Variants in TMEM201 observed in about 807,000 individuals in gnomAD.
TMEM201 encodes transmembrane protein 201.
A neutral mutation model predicts 63.4 loss-of-function variants in TMEM201; 26 were observed. The ratio of observed to expected loss-of-function variants is 0.41; its 90% CI spans 0.30 to 0.57. The LOEUF is 0.57. Ranked by LOEUF, TMEM201 falls within the 20% of genes least tolerant of loss-of-function variation. TMEM201 has a pLI of 0.29. For missense variants in TMEM201, 794 were observed against 917.7 expected (o/e 0.87, Z 1.74); for synonymous variants, 417 against 421.6 (o/e 0.99, Z 0.14).
chr1:9,598,424 C>A, intron 3 of TMEM201, 25 bp from the exon 4 acceptor site: 1 of 1,599,408 alleles, frequency 6.3e-7, no homozygotes, highest in Non-Finnish European at 8.6e-7. Context: ...CTGCAGATGC[C>A]GAGCCTGTTC....
chr1:9,596,689 G>C (rs1644026323), intron 2 of TMEM201, among the ~76,000 whole-genome samples, 170 bp from the exon 3 acceptor site: 2 of 152,210 alleles, frequency 1.3e-5, no homozygotes, highest in South Asian at 2.1e-4. Context: ...GTTCCATGGA[G>C]GTGTCTTGAG....
intron 1 of TMEM201, among the ~76,000 whole-genome samples, chr1:9,591,940 T>C (rs2100446571): frequency 6.6e-6 from 1 of 152,364 alleles, no homozygotes; most frequent in East Asian, 1.9e-4. Flanking sequence ...CTGTGGTATC[T>C]GTCACCAGCT....
intron 1 of TMEM201, among the ~76,000 whole-genome samples, chr1:9,595,144 C>T (rs1003222304): frequency 6.6e-6 from 1 of 152,210 alleles, no homozygotes; most frequent in Non-Finnish European, 1.5e-5. Flanking sequence ...TCTGCCCACC[C>T]CTCCCCAGTC....
chr1:9,613,023 C>G lies in TMEM201; in HGVS notation c.1941C>G (p.Ala647=). The change falls in exon 11 of 11, where the codon GCC becomes GCG. Residue 647 remains alanine (A), a synonymous_variant. Transcript: ENST00000340381. The stretch of plus-strand genomic sequence containing the variant: ...CTTCCCTGGTCCGGGGCCTCCTGGC[C>G]GTGAGCTTGGCCGCCAACGCCCTGT... ...FGPSLVRGLL[A]VSLAANALFT... 6.4e-7 allele frequency: 1 copy of G among 1,551,546 alleles called. No individual in the cohort carries two copies. Among genetic ancestry groups the G allele is most frequent in the East Asian group, 2.4e-5 (1 of 40,924 alleles).
In TMEM201 at chr1:9,602,148, G is replaced by T; in HGVS notation, c.1036G>T (p.Ala346Ser). 1 of 1,613,050 alleles carries T rather than the reference G, an allele frequency of 6.2e-7. No homozygotes were observed. Among genetic ancestry groups the T allele is most frequent in the East Asian group, 2.2e-5 (1 of 44,876 alleles). ...GCACCTGGCTGAGCAGCACCTGCAG[G>T]CCGCCTCGCCTAGCTGGCTAGACAC... ...GLHLAEQHLQAASPSWLDTLK... is the reference protein window; with the variant it reads ...GLHLAEQHLQSASPSWLDTLK... The change falls in exon 6 of 11, where the codon GCC becomes TCC. Residue 346 changes from alanine to serine, a missense_variant. Coordinates refer to ENST00000340381, the MANE Select transcript of TMEM201 (RefSeq NM_001130924.3).
chr1:9,592,006 G>A (rs1643930339), intron 1 of TMEM201, among the ~76,000 whole-genome samples: 1 of 152,196 alleles, frequency 6.6e-6, no homozygotes, highest in Admixed American at 6.5e-5. Flanking sequence ...GCCAGCCTAG[G>A]GTGGTGCTTG....
In TMEM201 at chr1:9,609,845, G is replaced by A. The variant is rs774269505; in HGVS notation, c.1399G>A (p.Gly467Ser). The A allele has an allele frequency of 1.2e-5, 18 of 1,551,246 alleles. No individual in the cohort carries two copies. The highest frequency in any genetic ancestry group is 2.4e-5 in the East Asian group (1 of 40,930). ...CCGCTTCTCTCTGTCTCCAGACTCC[G>A]GCTATCTGTTCAGCGGTAGCCGCCC... Reference protein sequence around the residue: ...TIPSLTRADSGYLFSGSRPPS... With the variant: ...TIPSLTRADSSYLFSGSRPPS... Residue 467 changes from glycine (G) to serine (S), a missense_variant, in exon 8 of 11, where the codon GGC becomes AGC. Physicochemically the swap from Gly to Ser is moderately conservative, Grantham distance 56 (BLOSUM62 0). Coordinates refer to ENST00000340381, the MANE Select transcript of TMEM201 (RefSeq NM_001130924.3).
At chr1:9,591,040 C>T (rs545372975) in intron 1 of TMEM201, among the ~76,000 whole-genome samples, 5 of 152,262 alleles carry the variant, frequency 3.3e-5, no homozygotes, top group African/African-American at 1.2e-4. Flanking sequence ...GGCAGGTCAG[C>T]CCCACCTTGT....
rs1644139103 is a variant in TMEM201, at chr1:9,601,398, C to T, written c.900C>T (p.Val300=). The change falls in exon 5 of 11, where the codon GTC becomes GTT. Residue 300 remains valine, a synonymous_variant. Transcript: ENST00000340381. ...WAFGQSHQTG[V]VALGLLTCLL... ...TTGGGCAGAGCCACCAGACGGGCGTCGTGGCACTGGGCCTACTCACCTGCC... is the reference window on the plus strand; with the variant it reads ...TTGGGCAGAGCCACCAGACGGGCGTTGTGGCACTGGGCCTACTCACCTGCC... 9 of 1,601,912 alleles carry T rather than the reference C, an allele frequency of 5.6e-6. No individual in the cohort carries two copies. The highest frequency in any genetic ancestry group is 2.2e-5 in the East Asian group (1 of 44,860).
intron 6 of TMEM201, 23 bp downstream of exon 6, chr1:9,602,295 CG>C (rs771850744): frequency 3.1e-6 from 5 of 1,608,642 alleles, no homozygotes; most frequent in Non-Finnish European, 3.4e-6. Flanking sequence ...GCCATGACTG[CG>C]GGGGGAGGAC....
At chr1:9,589,642 G>A (rs942415413) in intron 1 of TMEM201, among the ~76,000 whole-genome samples, 1 of 152,370 alleles carries the variant, frequency 6.6e-6, no homozygotes, top group Non-Finnish European at 1.5e-5. Flanking sequence ...AAGACGGGCC[G>A]GGGCCACCCT....
Position 9,610,036 on chromosome 1 carries a change from G to A in TMEM201, c.1465+125G>A. On this transcript the variant is annotated intron_variant, in intron 8 of 10. Transcript: ENST00000340381. The surrounding 1 kb of genome is among the most constrained non-coding windows in gnomAD (Gnocchi z 4.9). Reference sequence around the variant, plus strand: ...AAGTGTGTGTTCACATCTCAGCCCTGGGCAAGTGACCTACACACCTGTGCC... The same window carrying A: ...AAGTGTGTGTTCACATCTCAGCCCTAGGCAAGTGACCTACACACCTGTGCC... The A allele has an allele frequency of 2.3e-6, 2 of 885,836 alleles. No homozygotes were observed. Among genetic ancestry groups the A allele is most frequent in the Non-Finnish European group, 3.6e-6 (2 of 556,106 alleles). The allele number at this position is 885,836 out of a possible 1,614,324, so 54.9% of individuals were successfully genotyped here. A position where few individuals can be genotyped will look rare whatever the true frequency, so the allele number is the denominator to read the frequency against.
intron 8 of TMEM201, 36 bp downstream of exon 8, chr1:9,609,947 A>T (rs1557562496): frequency 6.5e-7 from 1 of 1,543,508 alleles, no homozygotes; most frequent in Admixed American, 2.0e-5. Flanking sequence ...GGGACGGGGC[A>T]ACATGAAGCC....
intron 4 of TMEM201, among the ~76,000 whole-genome samples, chr1:9,599,889 C>T (rs1210319046): frequency 2.6e-5 from 4 of 152,334 alleles, no homozygotes; most frequent in African/African-American, 9.6e-5. Context: ...TGAGCCACTG[C>T]GCCCGGCCCC....
chr1:9,610,521 T>C lies in TMEM201; in HGVS notation c.1481T>C (p.Leu494Pro), dbSNP rs1163478481. 2.0e-6 allele frequency: 3 copies of C among 1,534,854 alleles called. No individual in the cohort carries two copies. The highest frequency in any genetic ancestry group is 4.0e-5 in the Admixed American group (2 of 50,268). Reference protein sequence around the residue: ...EFPVSDYFSLLSGSCPSSPLP... With the variant: ...EFPVSDYFSLPSGSCPSSPLP... The stretch of plus-strand genomic sequence containing the variant: ...CTCCCTCCAGATTACTTCTCTCTTC[T>C]GTCGGGGAGCTGCCCCTCCTCCCCA... Residue 494 changes from leucine (L) to proline (P), a missense_variant, in exon 9 of 11, where the codon CTG (leucine) becomes CCG (proline). By Grantham distance (98) the Leu-to-Pro change is moderately conservative. Transcript: ENST00000340381. This position sits in a 1 kb window ranked among gnomAD's most constrained non-coding sequence, Gnocchi z 4.9.
At position 9,611,868 on chromosome 1, in the gene TMEM201, G is replaced by A. The variant is rs754599513; in HGVS notation, c.1881G>A (p.Ser627=). ...CVVDTTTRGC[S]EEAATWRGRF... is the part of the protein sequence containing the mutation. ...TGGACACCACCACCAGGGGCTGCTC[G>A]GAGGAGGCCGCCACCTGGAGAGGTC... Residue 627 remains serine, a synonymous_variant, in exon 10 of 11, where the codon TCG becomes TCA. Coordinates refer to ENST00000340381, the MANE Select transcript of TMEM201 (RefSeq NM_001130924.3). The A allele has an allele frequency of 7.1e-6, 11 of 1,549,580 alleles. No homozygotes were observed. The highest frequency in any genetic ancestry group is 1.7e-4 in the Middle Eastern group (1 of 6,002).
At chr1:9,609,632 G>A (rs1438048499) in intron 7 of TMEM201, among the ~76,000 whole-genome samples, 1 of 152,192 alleles carries the variant, frequency 6.6e-6, no homozygotes, top group Non-Finnish European at 1.5e-5. Context: ...ACTGCGCCCA[G>A]CCCAAGCCTC....
intron 4 of TMEM201, among the ~76,000 whole-genome samples, chr1:9,600,570 G>A (rs932344906): frequency 1.4e-4 from 22 of 152,208 alleles, no homozygotes; most frequent in African/African-American, 5.3e-4. Flanking sequence ...AGGGGCCTGG[G>A]GAGCAGGGTA....
chr1:9,594,984 G>A (rs1187414175), intron 1 of TMEM201, among the ~76,000 whole-genome samples: 1 of 152,254 alleles, frequency 6.6e-6, no homozygotes, highest in African/African-American at 2.4e-5. Context: ...GGCTCAAGCG[G>A]TGTCCTCGAG....
Sources: allele counts gnomAD v4.1 joint callset (sites outside exome capture counted in the v4.1 genomes callset), GRCh38; gene constraint gnomAD v4.1.1; non-coding constraint Gnocchi (gnomAD v3.1); transcripts MANE v1.5; gene names NCBI Gene and HGNC (gene_info 2026-07-23, HGNC 2026-07-21).